The following C2CD2 variants were observed in gnomAD, a reference collection of about 807,000 sequenced individuals.
C2CD2 encodes C2 domain-containing protein 2.
Under a neutral mutation model 74.3 loss-of-function variants are expected in C2CD2, and 43 were observed. That is an observed-to-expected ratio of 0.58 (90% CI 0.45 to 0.75). The LOEUF is 0.75. Ranked by LOEUF, C2CD2 falls within the 30% of genes least tolerant of loss-of-function variation. C2CD2 has a pLI of 0.00. For missense variants in C2CD2, 801 were observed against 916.3 expected, an observed-to-expected ratio of 0.87 and a Z score of 1.63; for synonymous variants, 422 against 390.7, an observed-to-expected ratio of 1.08 and a Z score of -0.94.
Position 41,885,861 on chromosome 21 carries a change from G to A in C2CD2, c.*3263C>T, listed in dbSNP as rs1430166258. The A allele has an allele frequency of 6.6e-6, 1 of 152,392 alleles. No homozygotes were observed. The highest frequency in any genetic ancestry group is 1.5e-5 in the Non-Finnish European group (1 of 68,048). The allele number at this position is 152,392 out of a possible 1,614,324, so 9.4% of individuals were successfully genotyped here. A position where few individuals can be genotyped will look rare whatever the true frequency, so the allele number is the denominator to read the frequency against. ...GGTGGCCACTGAGTGGCGACTGGTC[G>A]AGTAGCAGTTGGTCATAAGGGATCA... On this transcript the variant is annotated 3_prime_UTR_variant, in exon 14 of 14. Transcript: ENST00000380486.
intron 1 of C2CD2, among the ~76,000 whole-genome samples, chr21:41,951,095 C>T (rs2065447028): frequency 6.6e-6 from 1 of 152,034 alleles, no homozygotes; most frequent in Admixed American, 6.6e-5. Flanking sequence ...TCTCCCACAC[C>T]GCCATCACTG....
chr21:41,886,154 G>A lies in C2CD2; in HGVS notation c.*2970C>T, dbSNP rs1399373168. Reference sequence around the variant, plus strand: ...ACCAACATGAGCACCCAGTTCCAGAGATACAGACACAATTAATCTTAGTGT... The same window carrying A: ...ACCAACATGAGCACCCAGTTCCAGAAATACAGACACAATTAATCTTAGTGT... On this transcript the variant is annotated 3_prime_UTR_variant, in exon 14 of 14. Transcript: ENST00000380486. 1 of 152,162 alleles carries A rather than the reference G, an allele frequency of 6.6e-6. No individual in the cohort carries two copies. Among genetic ancestry groups the A allele is most frequent in the Non-Finnish European group, 1.5e-5 (1 of 68,038 alleles). The allele number at this position is 152,162 out of a possible 1,614,324, so 9.4% of individuals were successfully genotyped here. A position where few individuals can be genotyped will look rare whatever the true frequency, so the allele number is the denominator to read the frequency against.
Position 41,907,750 on chromosome 21 carries a change from T to C in C2CD2, c.1053A>G (p.Leu351=). The change falls in exon 9 of 14, where the codon TTA becomes TTG. Residue 351 remains leucine, a synonymous_variant. Coordinates refer to ENST00000380486, the MANE Select transcript of C2CD2 (RefSeq NM_015500.2). ...LLATATVPLD[L]FKKQPSGPQS... Reference sequence around the variant, plus strand: ...GTGGCCCAGAAGGCTGCTTCTTAAATAAGTCCAGAGGAACTGTCGCCGTCG... The same window carrying C: ...GTGGCCCAGAAGGCTGCTTCTTAAACAAGTCCAGAGGAACTGTCGCCGTCG... 1 of 1,613,794 alleles carries C rather than the reference T, an allele frequency of 6.2e-7. No homozygotes were observed. Among genetic ancestry groups the C allele is most frequent in the African/African-American group, 1.3e-5 (1 of 75,038 alleles).
intron 2 of C2CD2, 53 bp from the exon 3 acceptor site, chr21:41,922,138 C>T (rs1405173635): frequency 1.6e-5 from 16 of 995,510 alleles, no homozygotes; most frequent in South Asian, 8.2e-5. Context: ...AAGGACAGCG[C>T]GTGCATACGC....
At chr21:41,931,755 G>C (rs571287337) in intron 2 of C2CD2, among the ~76,000 whole-genome samples, 51 of 150,110 alleles carry the variant, frequency 3.4e-4, no homozygotes, top group African/African-American at 1.0e-3. Context: ...AGGGCTGTTG[G>C]GGGGGACCCC....
At chr21:41,918,394 C>T (rs1203196674) in intron 4 of C2CD2, among the ~76,000 whole-genome samples, 167 bp from the exon 5 acceptor site, 1 of 152,212 alleles carries the variant, frequency 6.6e-6, no homozygotes, top group Non-Finnish European at 1.5e-5. Context: ...ACGCCCTGCC[C>T]TTGGAAGCAG....
intron 2 of C2CD2, 28 bp downstream of exon 2, chr21:41,942,119 C>T: frequency 1.3e-6 from 2 of 1,548,052 alleles, no homozygotes; most frequent in Non-Finnish European, 1.7e-6. Context: ...TTCACCTCTT[C>T]CTGCAGGGAA....
chr21:41,906,171 G>A (rs1428596420), intron 10 of C2CD2, among the ~76,000 whole-genome samples: 2 of 152,220 alleles, frequency 1.3e-5, no homozygotes, highest in African/African-American at 4.8e-5. Context: ...CGCTTATACA[G>A]AAACTTCTGT....
intron 2 of C2CD2, among the ~76,000 whole-genome samples, chr21:41,932,511 C>T (rs1338168179): frequency 2.0e-5 from 3 of 150,570 alleles, no homozygotes; most frequent in East Asian, 3.9e-4. Context: ...GGCCGTCTTG[C>T]GGGACCTAGC....
At chr21:41,893,058 G>C (rs371916651) in intron 13 of C2CD2, among the ~76,000 whole-genome samples, 1 of 152,372 alleles carries the variant, frequency 6.6e-6, no homozygotes, top group East Asian at 1.9e-4. Flanking sequence ...TGTAATCCCA[G>C]CACTTTGGGA....
Position 41,923,030 on chromosome 21 carries a change from C to CT in C2CD2, c.379-946dup, listed in dbSNP as rs1228698663. 6.7e-6 allele frequency among the ~76,000 whole-genome samples: 1 copy of CT among 148,554 alleles called. No individual in the cohort carries two copies. Among genetic ancestry groups the CT allele is most frequent in the Non-Finnish European group, 1.5e-5 (1 of 67,640 alleles). ...TTTTTTTTGGAGATGGAGTTTCACTCTGTCGCCCAGGTTGGAGTGCAGTGG... is the reference window on the plus strand; with the variant it reads ...TTTTTTTTGGAGATGGAGTTTCACTCTTGTCGCCCAGGTTGGAGTGCAGTGG... On this transcript the variant is annotated intron_variant, in intron 2 of 13. Coordinates refer to ENST00000380486, the MANE Select transcript of C2CD2 (RefSeq NM_015500.2). The surrounding 1 kb of genome is among the most constrained non-coding windows in gnomAD (Gnocchi z 5.8).
chr21:41,905,036 G>C (rs7283940), intron 11 of C2CD2, among the ~76,000 whole-genome samples: 21,192 of 152,204 alleles, frequency 0.14, 1,740 homozygotes, highest in Middle Eastern at 0.35. Context: ...CTAAGCTGGT[G>C]TAAGCAGAAA....
intron 2 of C2CD2, among the ~76,000 whole-genome samples, chr21:41,934,725 G>A (rs1486417637): frequency 2.0e-5 from 3 of 152,152 alleles, no homozygotes; most frequent in East Asian, 1.9e-4. Context: ...CTCATAGCCC[G>A]TCTAGGGGGT....
rs1335312985 is a variant in C2CD2, at chr21:41,888,508, A to G, written c.*616T>C. The G allele has an allele frequency of 6.4e-6, 1 of 155,376 alleles. No homozygotes were observed. Among genetic ancestry groups the G allele is most frequent in the Non-Finnish European group, 1.4e-5 (1 of 69,708 alleles). The allele number at this position is 155,376 out of a possible 1,614,324, so 9.6% of individuals were successfully genotyped here. On this transcript the variant is annotated 3_prime_UTR_variant, in exon 14 of 14. Transcript: ENST00000380486. ...AGGATATAGTTAGTGTTCAAGTTCTATGGCTAATATCAAAGGTAGATGACT... is the reference window on the plus strand; with the variant it reads ...AGGATATAGTTAGTGTTCAAGTTCTGTGGCTAATATCAAAGGTAGATGACT...
intron 13 of C2CD2, among the ~76,000 whole-genome samples, chr21:41,890,385 C>T (rs1348387788): frequency 6.6e-6 from 1 of 152,168 alleles, no homozygotes; most frequent in Non-Finnish European, 1.5e-5. Flanking sequence ...AAATTAGCAG[C>T]AGCAGCAACA....
In C2CD2 at chr21:41,889,157, G is replaced by A. The variant is rs752752497; in HGVS notation, c.2058C>T (p.Thr686=). Residue 686 remains threonine (T), a synonymous_variant, in exon 14 of 14, where the codon ACC becomes ACT. Coordinates refer to ENST00000380486, the MANE Select transcript of C2CD2 (RefSeq NM_015500.2). ...KLLSRHRNKN[T]MNGAPVEPCT ...AGGGCTCCACGGGGGCACCGTTCATGGTGTTCTTGTTTCTGTGCCTGGAGA... is the reference window on the plus strand; with the variant it reads ...AGGGCTCCACGGGGGCACCGTTCATAGTGTTCTTGTTTCTGTGCCTGGAGA... The A allele has an allele frequency of 3.7e-6, 6 of 1,612,540 alleles. No homozygotes were observed. In the South Asian group the frequency reaches 5.5e-5, roughly 15 times the overall value.
chr21:41,934,719 T>C (rs8132865), intron 2 of C2CD2, among the ~76,000 whole-genome samples: 89,043 of 152,038 alleles, frequency 0.59, 26,580 homozygotes, highest in South Asian at 0.72. Context: ...TCCATCCTCA[T>C]AGCCCGTCTA....
intron 2 of C2CD2, among the ~76,000 whole-genome samples, chr21:41,936,914 G>C (rs2065313042): frequency 6.8e-6 from 1 of 146,800 alleles, no homozygotes; most frequent in African/African-American, 2.5e-5. Flanking sequence ...CACCTCCTGG[G>C]TTCAAGCAAT....
At chr21:41,922,140 T>C (rs896947834) in intron 2 of C2CD2, 55 bp from the exon 3 acceptor site, 2 of 977,510 alleles carry the variant, frequency 2.0e-6, no homozygotes, top group East Asian at 2.4e-5. Context: ...GGACAGCGCG[T>C]GCATACGCAT....
Sources: gnomAD v4.1 joint callset for allele counts (sites outside exome capture counted in the v4.1 genomes callset) on GRCh38, gnomAD v4.1.1 for gene constraint, Gnocchi (gnomAD v3.1) non-coding constraint, MANE v1.5 for transcripts, NCBI Gene and HGNC (gene_info 2026-07-23, HGNC 2026-07-21) for gene names.